AIMP1: variants seen among roughly 807,000 people sequenced by gnomAD.
AIMP1 encodes aminoacyl tRNA synthetase complex interacting multifunctional protein 1.
Under a neutral mutation model 33.1 loss-of-function variants are expected in AIMP1, and 24 were observed. The ratio of observed to expected loss-of-function variants is 0.73; its 90% CI spans 0.53 to 1.02. The LOEUF is 1.02. Among genes scored for constraint, AIMP1 ranks in the 50% least tolerant of loss-of-function variants. AIMP1 has a pLI of 0.00. For missense variants in AIMP1, 367 were observed against 364.8 expected (o/e 1.01, Z -0.05); for synonymous variants, 120 against 121.5 (o/e 0.99, Z 0.08).
chr4:106,338,709 G>T (rs779035369), intron 6 of AIMP1, among the ~76,000 whole-genome samples: 62 of 152,312 alleles, frequency 4.1e-4, no homozygotes, highest in Middle Eastern at 3.4e-3. Flanking sequence ...CCCCACTGGG[G>T]CACTGCCTAG....
At chr4:106,343,084 A>G (rs900140087) in intron 6 of AIMP1, among the ~76,000 whole-genome samples, 1 of 151,886 alleles carries the variant, frequency 6.6e-6, no homozygotes, top group African/African-American at 2.4e-5. Flanking sequence ...TTTAATTGGT[A>G]GGTTTTTATT....
chr4:106,336,348 T>C (rs1352838343), intron 5 of AIMP1, among the ~76,000 whole-genome samples: 1 of 152,100 alleles, frequency 6.6e-6, no homozygotes, highest in African/African-American at 2.4e-5. Context: ...AGCCAATTTT[T>C]TTTAAATTAA....
intron 2 of AIMP1, 21 bp downstream of exon 2, chr4:106,325,139 T>C: frequency 6.3e-7 from 1 of 1,590,090 alleles, no homozygotes; most frequent in Non-Finnish European, 8.6e-7. Context: ...TTAAAATTTT[T>C]TGAGGAGATA....
chr4:106,336,870 T>A lies in AIMP1; in HGVS notation c.605T>A (p.Met202Lys). The change falls in exon 6 of 7, where the codon ATG becomes AAG. Residue 202 changes from methionine to lysine, a missense_variant and splice_region_variant. Coordinates refer to ENST00000672341, the MANE Select transcript of AIMP1 (RefSeq NM_001142416.2). The part of the protein sequence containing the change: ...GLVNHVPLEQ[M>K]QNRMVILLCN... ...CTTACCAGTTTATATTTCACACAGA[T>A]GCAAAATCGGATGGTGATTTTACTT... The A allele has an allele frequency of 6.2e-7, 1 of 1,613,906 alleles. No homozygotes were observed. The highest frequency in any genetic ancestry group is 8.5e-7 in the Non-Finnish European group (1 of 1,179,846).
At chr4:106,340,350 T>A (rs1173929306) in intron 6 of AIMP1, among the ~76,000 whole-genome samples, 1 of 152,026 alleles carries the variant, frequency 6.6e-6, no homozygotes, top group African/African-American at 2.4e-5. Context: ...AAATTGTATG[T>A]CCTTGAAGTT....
Position 106,327,534 on chromosome 4 carries a change from G to C in AIMP1, c.193G>C (p.Glu65Gln). ...GAAAGAAATTGAAGAACTGAAACAAGAGCTAATTCAGGCAGAAATTCAAAA... is the reference window on the plus strand; with the variant it reads ...GAAAGAAATTGAAGAACTGAAACAACAGCTAATTCAGGCAGAAATTCAAAA... Reference protein sequence around the residue: ...LKKEIEELKQELIQAEIQNGV... With the variant: ...LKKEIEELKQQLIQAEIQNGV... Residue 65 changes from glutamate (E) to glutamine (Q), a missense_variant, in exon 3 of 7, where the codon GAG (glutamate) becomes CAG (glutamine). Physicochemically the swap from Glu to Gln is conservative, Grantham distance 29 (BLOSUM62 2). Coordinates refer to ENST00000672341, the MANE Select transcript of AIMP1 (RefSeq NM_001142416.2). The C allele has an allele frequency of 6.2e-7, 1 of 1,612,396 alleles. No homozygotes were observed. The highest frequency in any genetic ancestry group is 8.5e-7 in the Non-Finnish European group (1 of 1,178,978).
In AIMP1 at chr4:106,325,128, T is replaced by C; in HGVS notation, c.109+10T>C. 6.2e-7 allele frequency: 1 copy of C among 1,604,142 alleles called. No homozygotes were observed. Among genetic ancestry groups the C allele is most frequent in the Non-Finnish European group, 8.5e-7 (1 of 1,174,142 alleles). Reference sequence around the variant, plus strand: ...CTTAAGGAGAAAGCAAGTAAGAAAATTTAAAATTTTTTGAGGAGATACTTA... The same window carrying C: ...CTTAAGGAGAAAGCAAGTAAGAAAACTTAAAATTTTTTGAGGAGATACTTA... On this transcript the variant is annotated intron_variant, in intron 2 of 6. Transcript: ENST00000672341.
intron 1 of AIMP1, among the ~76,000 whole-genome samples, chr4:106,324,428 A>G (rs1054056112): frequency 6.6e-6 from 1 of 151,994 alleles, no homozygotes; most frequent in Non-Finnish European, 1.5e-5. Context: ...TAAAATTCTA[A>G]TTTTTAAAAT....
chr4:106,323,041 G>T (rs1263593971), intron 1 of AIMP1, among the ~76,000 whole-genome samples: 4 of 150,022 alleles, frequency 2.7e-5, no homozygotes, highest in African/African-American at 7.3e-5. Flanking sequence ...CCTTTTAGTA[G>T]TTGCATATGT....
intron 4 of AIMP1, among the ~76,000 whole-genome samples, chr4:106,330,597 A>G (rs918348715): frequency 6.6e-6 from 1 of 152,156 alleles, no homozygotes; most frequent in African/African-American, 2.4e-5. Flanking sequence ...CTGAGTTTCT[A>G]TATTTCTTTG....
intron 1 of AIMP1, among the ~76,000 whole-genome samples, chr4:106,322,579 A>G (rs1769304149): frequency 6.6e-6 from 1 of 152,254 alleles, no homozygotes; most frequent in South Asian, 2.1e-4. Context: ...TTCTGTTAAC[A>G]CACAGACGTA....
intron 6 of AIMP1, among the ~76,000 whole-genome samples, chr4:106,345,548 G>A (rs531016471): frequency 3.0e-4 from 46 of 151,728 alleles, no homozygotes; most frequent in Admixed American, 7.2e-4. Context: ...CTCTATTGTC[G>A]AATCAAACGT....
chr4:106,322,747 A>AGCC (rs759257236), intron 1 of AIMP1, among the ~76,000 whole-genome samples: 15 of 152,128 alleles, frequency 9.9e-5, no homozygotes, highest in Non-Finnish European at 2.1e-4. Flanking sequence ...CACCTTGGGA[A>AGCC]GCCGAGGTGG....
intron 6 of AIMP1, among the ~76,000 whole-genome samples, chr4:106,345,339 A>C (rs1770255274): frequency 6.6e-6 from 1 of 152,208 alleles, no homozygotes; most frequent in African/African-American, 2.4e-5. Context: ...GTCAGTGCTT[A>C]GGTCTCCCTG....
chr4:106,337,305 G>A (rs1769922293), intron 6 of AIMP1, among the ~76,000 whole-genome samples: 1 of 152,152 alleles, frequency 6.6e-6, no homozygotes, highest in Non-Finnish European at 1.5e-5. Context: ...ATCTTGAATT[G>A]TAGTTCCCAT....
intron 1 of AIMP1, chr4:106,316,871 T>G: frequency 2.4e-6 from 1 of 410,840 alleles, no homozygotes; most frequent in Non-Finnish European, 4.4e-6. Context: ...TGAATGTGTG[T>G]GTCAAAGGAC....
At chr4:106,329,307 G>A (rs1374506737) in intron 4 of AIMP1, among the ~76,000 whole-genome samples, 2 of 152,130 alleles carry the variant, frequency 1.3e-5, no homozygotes, top group African/African-American at 4.8e-5. Flanking sequence ...ACCTGTTCTT[G>A]CAAATTTGGT....
In AIMP1 at chr4:106,316,611, C is replaced by T. The variant is rs1335840610; in HGVS notation, c.-26+17C>T. On this transcript the variant is annotated intron_variant, in intron 1 of 6. Coordinates refer to ENST00000672341, the MANE Select transcript of AIMP1 (RefSeq NM_001142416.2). ...CCGCTTCATGTGAGTGACGTCGTGG[C>T]GGGTCACTCACTCGGGGATCGCCGA... 1.3e-6 allele frequency: 2 copies of T among 1,550,326 alleles called. No individual in the cohort carries two copies. Among genetic ancestry groups the T allele is most frequent in the Non-Finnish European group, 1.7e-6 (2 of 1,146,380 alleles).
chr4:106,329,761 C>T (rs955412942), intron 4 of AIMP1, among the ~76,000 whole-genome samples: 1 of 138,952 alleles, frequency 7.2e-6, no homozygotes, highest in African/African-American at 2.6e-5. Flanking sequence ...TCTTTCTAGA[C>T]TGCTACATAT....
Sources: allele counts gnomAD v4.1 joint callset (sites outside exome capture counted in the v4.1 genomes callset), GRCh38; gene constraint gnomAD v4.1.1; transcripts MANE v1.5; gene names NCBI Gene and HGNC (gene_info 2026-07-23, HGNC 2026-07-21).